OLA1: variants seen among roughly 807,000 people sequenced by gnomAD.
The protein encoded by OLA1 is Obg like ATPase 1.
Under a neutral mutation model 48.4 loss-of-function variants are expected in OLA1, and 14 were observed. The ratio of observed to expected loss-of-function variants is 0.29; its 90% CI spans 0.19 to 0.45. The LOEUF (loss-of-function observed/expected upper bound fraction) is 0.45, where lower values mean the gene tolerates loss of function less well. OLA1 is among the 20% of genes least tolerant of loss of function. The probability of loss-of-function intolerance (pLI) is 1.00; values close to 1 mark genes in which losing one functional copy is unlikely to be tolerated. For synonymous variants in OLA1, 127 were observed against 150.4 expected (o/e 0.84, Z 1.14); for missense variants, 325 against 467.1 (o/e 0.70, Z 2.80).
chr2:174,236,379 T>C (rs1688851780), intron 2 of OLA1, among the ~76,000 whole-genome samples: 1 of 151,974 alleles, frequency 6.6e-6, no homozygotes, highest in Admixed American at 6.6e-5. Flanking sequence ...ATACAATATT[T>C]GAAATAAAAT....
At chr2:174,101,514 G>A (rs570588600) in intron 7 of OLA1, among the ~76,000 whole-genome samples, 1 of 152,238 alleles carries the variant, frequency 6.6e-6, no homozygotes, top group Admixed American at 6.5e-5. Context: ...ACATAATGAG[G>A]TCCATTTATT....
chr2:174,167,122 C>CAA (rs1047000301), intron 4 of OLA1, among the ~76,000 whole-genome samples: 1 of 138,758 alleles, frequency 7.2e-6, no homozygotes. Flanking sequence ...CTATCCTCAG[C>CAA]AAAAAAAAAA....
chr2:174,113,222 G>T (rs980726967), intron 7 of OLA1, among the ~76,000 whole-genome samples: 2 of 152,156 alleles, frequency 1.3e-5, no homozygotes, highest in Non-Finnish European at 2.9e-5. Flanking sequence ...TGGGATTACA[G>T]GCTTAAGCCA....
At chr2:174,087,719 T>C (rs964002077) in intron 7 of OLA1, among the ~76,000 whole-genome samples, 2 of 152,180 alleles carry the variant, frequency 1.3e-5, no homozygotes, top group African/African-American at 4.8e-5. Flanking sequence ...TTCTCCAGCA[T>C]ACGTTAATAA....
At chr2:174,076,866 A>G (rs970858848) in intron 10 of OLA1, among the ~76,000 whole-genome samples, 7 of 151,824 alleles carry the variant, frequency 4.6e-5, no homozygotes, top group Admixed American at 1.3e-4. Context: ...AAGACATGCA[A>G]TGTATTGAAG....
rs1685283134 is a variant in OLA1 at position 174,097,487 on chromosome 2, T to G, written c.729-15423A>C. On this transcript the variant is annotated intron_variant, in intron 7 of 10. Transcript: ENST00000284719. ...GTTTTTGTTCATAACAGAGCTGGGA[T>G]TCTGTGGGGCCAGTAAGAAAGTGAG... Among the ~76,000 whole-genome samples the G allele has an allele frequency of 5.9e-5, 9 of 152,256 alleles. 1 individual carries two copies. In the South Asian group the frequency reaches 1.9e-3, roughly 32 times the overall value.
intron 7 of OLA1, among the ~76,000 whole-genome samples, chr2:174,106,951 C>T (rs1307737591): frequency 6.6e-6 from 1 of 152,146 alleles, no homozygotes; most frequent in East Asian, 1.9e-4. Flanking sequence ...ATCTTCCCAG[C>T]AGTCAGTTCT....
Position 174,212,753 on chromosome 2 carries a change from A to AGCTT in OLA1, c.373+10276_373+10279dup, listed in dbSNP as rs1688272680. ...AGACACAAATACACACAGTAGCCTA[A>AGCTT]GCTTACACAGGGTGAGGATCATCAG... On this transcript the variant is annotated intron_variant, in intron 4 of 10. Transcript: ENST00000284719. Among the ~76,000 whole-genome samples the AGCTT allele has an allele frequency of 2.0e-5, 3 of 152,210 alleles. No individual in the cohort carries two copies. In the South Asian group the frequency reaches 6.2e-4, roughly 32 times the overall value.
At chr2:174,086,949 T>C (rs1372468022) in intron 7 of OLA1, among the ~76,000 whole-genome samples, 1 of 152,196 alleles carries the variant, frequency 6.6e-6, no homozygotes, top group Non-Finnish European at 1.5e-5. Flanking sequence ...TTCTCTACTG[T>C]TACTGAGTTT....
intron 7 of OLA1, among the ~76,000 whole-genome samples, chr2:174,099,151 A>G (rs1194835118): frequency 6.6e-6 from 1 of 151,376 alleles, no homozygotes; most frequent in Non-Finnish European, 1.5e-5. Context: ...TGACTTTGTT[A>G]TTTTATTTAT....
chr2:174,247,762 T>C (rs1472043842), intron 1 of OLA1: 2 of 1,550,722 alleles, frequency 1.3e-6, no homozygotes, highest in Non-Finnish European at 1.7e-6. Context: ...AAATCTACAT[T>C]ATGGTTACTA....
At position 174,073,377 on chromosome 2, in the gene OLA1, A is replaced by G. The variant is rs1684651080; in HGVS notation, c.*2049T>C. 1 of 152,152 alleles carries G rather than the reference A, an allele frequency of 6.6e-6. No individual in the cohort carries two copies. Among genetic ancestry groups the G allele is most frequent in the African/African-American group, 2.4e-5 (1 of 41,432 alleles). 9.4% of individuals were successfully genotyped at this position (152,152 alleles called of 1,614,324 possible). ...CAAAAATATTTACATAACATCCTAA[A>G]ATATATTAACTTTATCAATATTAAA... On this transcript the variant is annotated 3_prime_UTR_variant, in exon 11 of 11. Transcript: ENST00000284719.
intron 4 of OLA1, among the ~76,000 whole-genome samples, chr2:174,210,791 C>T (rs1303439430): frequency 6.6e-6 from 1 of 152,166 alleles, no homozygotes; most frequent in African/African-American, 2.4e-5. Flanking sequence ...TGATTCTGCA[C>T]TGCATATATT....
Position 174,136,672 on chromosome 2 carries a change from C to CTTTTTTT in OLA1, c.549+5146_549+5152dup, listed in dbSNP as rs555917413. Among the ~76,000 whole-genome samples, 969 of 141,932 alleles carry CTTTTTTT rather than the reference C, an allele frequency of 6.8e-3. 15 individuals carry two copies. The highest frequency in any genetic ancestry group is 0.024 in the African/African-American group (914 of 38,824). 93.1% of individuals were successfully genotyped at this position (141,932 alleles called of 152,430 possible). A position where few individuals can be genotyped will look rare whatever the true frequency, so the allele number is the denominator to read the frequency against. ...TGACCTCTCATGAATCATGAATATT[C>CTTTTTTT]TTTTTTTTTTTTTTTCCTGAGACGA... On this transcript the variant is annotated intron_variant, in intron 5 of 10. Coordinates refer to ENST00000284719, the MANE Select transcript of OLA1 (RefSeq NM_013341.5).
At chr2:174,114,145 G>A (rs1395582286) in intron 7 of OLA1, among the ~76,000 whole-genome samples, 6 of 145,300 alleles carry the variant, frequency 4.1e-5, no homozygotes, top group African/African-American at 1.3e-4. Flanking sequence ...TGGCTAACAC[G>A]GTGAAACCCT....
intron 4 of OLA1, among the ~76,000 whole-genome samples, chr2:174,161,410 T>C (rs1687008516): frequency 6.6e-6 from 1 of 152,056 alleles, no homozygotes. Context: ...CAGTAAAATA[T>C]AAGAACTTTA....
intron 1 of OLA1, chr2:174,247,885 A>C: frequency 7.9e-7 from 1 of 1,271,182 alleles, no homozygotes; most frequent in African/African-American, 1.5e-5. Flanking sequence ...CCACCCTTGG[A>C]CTGCAAAGTG....
chr2:174,243,496 A>G (rs1275740742), intron 2 of OLA1, among the ~76,000 whole-genome samples: 3 of 152,188 alleles, frequency 2.0e-5, no homozygotes, highest in Admixed American at 2.0e-4. Context: ...TATGTATCCC[A>G]TTAACAAATA....
chr2:174,203,641 C>T (rs1245861072), intron 4 of OLA1, among the ~76,000 whole-genome samples: 1 of 151,804 alleles, frequency 6.6e-6, no homozygotes, highest in Admixed American at 6.6e-5. Flanking sequence ...GGGACTTCTC[C>T]AGCTGTTTCC....
Sources: allele counts gnomAD v4.1 joint callset (sites outside exome capture counted in the v4.1 genomes callset), GRCh38; gene constraint gnomAD v4.1.1; transcripts MANE v1.5; gene names NCBI Gene and HGNC (gene_info 2026-07-23, HGNC 2026-07-21).